TMPRSS15: variants seen among roughly 807,000 people sequenced by gnomAD.
TMPRSS15 encodes enteropeptidase.
In TMPRSS15, 128 loss-of-function variants were observed where a neutral mutation model predicts 125.3. The ratio of observed to expected loss-of-function variants is 1.02; its 90% CI spans 0.89 to 1.18. The LOEUF (loss-of-function observed/expected upper bound fraction) is 1.18. TMPRSS15 is among the 50% of genes most tolerant of loss of function. The probability of loss-of-function intolerance (pLI) is 0.00; values close to 1 mark genes in which losing one functional copy is unlikely to be tolerated. For missense variants in TMPRSS15, 1,283 were observed against 1,212.7 expected, an observed-to-expected ratio of 1.06 and a Z score of -0.86; for synonymous variants, 446 against 423.2, an observed-to-expected ratio of 1.05 and a Z score of -0.66.
intron 1 of TMPRSS15, among the ~76,000 whole-genome samples, chr21:18,440,076 A>C (rs1001739328): frequency 1.3e-5 from 2 of 152,186 alleles, no homozygotes; most frequent in Non-Finnish European, 2.9e-5. Context: ...ACTCACACAG[A>C]AGAAAACTGT....
At chr21:18,444,341 G>C (rs1046025918) in intron 1 of TMPRSS15, among the ~76,000 whole-genome samples, 6 of 152,162 alleles carry the variant, frequency 3.9e-5, no homozygotes, top group Admixed American at 6.5e-5. Context: ...CAGGGACATG[G>C]TTGAAGCTGG....
intron 10 of TMPRSS15, among the ~76,000 whole-genome samples, chr21:18,352,269 G>C (rs978385956): frequency 6.6e-6 from 1 of 151,864 alleles, no homozygotes; most frequent in African/African-American, 2.4e-5. Context: ...TTTCCACCTG[G>C]CATCAATTCT....
chr21:18,411,339 CT>C lies in TMPRSS15; in HGVS notation c.11-13011del, dbSNP rs1056583998. Among the ~76,000 whole-genome samples, 648 of 145,812 alleles carry C rather than the reference CT, an allele frequency of 4.4e-3. 4 individuals are homozygous for C. The highest frequency in any genetic ancestry group is 8.2e-3 in the African/African-American group (328 of 40,182). ...GGTATTCTTAGGCATTTTGTTAAAA[CT>C]TTTTTTTTTTTGAGCTTCAGTTTTC... On this transcript the variant is annotated intron_variant, in intron 1 of 7. Coordinates refer to the TMPRSS15 transcript ENST00000422787.
intron 1 of TMPRSS15, among the ~76,000 whole-genome samples, chr21:18,413,922 C>T (rs955616573): frequency 6.6e-6 from 1 of 152,044 alleles, no homozygotes; most frequent in Non-Finnish European, 1.5e-5. Context: ...GAGACAGGCT[C>T]ATAATGCACT....
intron 6 of TMPRSS15, 77 bp from the exon 7 acceptor site, chr21:18,365,325 A>G: frequency 1.8e-6 from 2 of 1,120,140 alleles, no homozygotes; most frequent in East Asian, 2.4e-5. Flanking sequence ...TTCACAGAAT[A>G]TTCATGGCAA....
chr21:18,313,519 C>T (rs2075124829), intron 17 of TMPRSS15, among the ~76,000 whole-genome samples: 2 of 150,622 alleles, frequency 1.3e-5, no homozygotes, highest in South Asian at 4.2e-4. Flanking sequence ...GAAAAATTAA[C>T]AAAAAAAGAG....
chr21:18,444,666 C>T (rs2076251007), intron 1 of TMPRSS15, among the ~76,000 whole-genome samples: 1 of 152,124 alleles, frequency 6.6e-6, no homozygotes, highest in South Asian at 2.1e-4. Context: ...TGAGCATTCC[C>T]ATCACCTCAA....
chr21:18,425,889 A>G (rs2076201682), intron 1 of TMPRSS15, among the ~76,000 whole-genome samples: 1 of 152,154 alleles, frequency 6.6e-6, no homozygotes, highest in Non-Finnish European at 1.5e-5. Flanking sequence ...GATACAAGAA[A>G]AATACATTAT....
intron 1 of TMPRSS15, among the ~76,000 whole-genome samples, chr21:18,402,069 T>C (rs2076099812): frequency 6.6e-6 from 1 of 152,188 alleles, no homozygotes; most frequent in Admixed American, 6.5e-5. Context: ...TTTCTTTCCC[T>C]TTAAAATATA....
intron 13 of TMPRSS15, among the ~76,000 whole-genome samples, chr21:18,333,611 T>C (rs187814069): frequency 3.4e-4 from 51 of 152,204 alleles, no homozygotes; most frequent in Non-Finnish European, 2.9e-5. Flanking sequence ...ACATGGATAG[T>C]AAGGAAAGGG....
chr21:18,390,640 CA>C (rs1267488292), intron 3 of TMPRSS15, among the ~76,000 whole-genome samples: 1 of 152,034 alleles, frequency 6.6e-6, no homozygotes, highest in East Asian at 1.9e-4. Context: ...GCTAAATGCA[CA>C]GGGGGAAGAA....
chr21:18,378,383 C>T (rs1601413075), intron 5 of TMPRSS15, among the ~76,000 whole-genome samples: 1 of 152,056 alleles, frequency 6.6e-6, no homozygotes, highest in African/African-American at 2.4e-5. Context: ...TGCAGAAAGG[C>T]TTATTCTATC....
intron 10 of TMPRSS15, among the ~76,000 whole-genome samples, chr21:18,345,115 T>C (rs1208441032): frequency 1.3e-5 from 2 of 152,218 alleles, no homozygotes; most frequent in Middle Eastern, 3.2e-3. Flanking sequence ...TCAGAATAAA[T>C]GAGTGTTTTA....
At chr21:18,318,998 G>A (rs143459969) in intron 16 of TMPRSS15, among the ~76,000 whole-genome samples, 1,571 of 152,034 alleles carry the variant, frequency 0.01, 29 homozygotes, top group African/African-American at 0.035. Context: ...TAGAGTCAAC[G>A]TAATATAAAG....
chr21:18,451,490 A>G (rs1334250598), intron 1 of TMPRSS15, among the ~76,000 whole-genome samples: 1 of 152,100 alleles, frequency 6.6e-6, no homozygotes, highest in African/African-American at 2.4e-5. Flanking sequence ...ATAAAAGCCA[A>G]TTTACTTCTC....
Position 18,372,310 on chromosome 21 carries a change from C to G in TMPRSS15, c.547G>C (p.Glu183Gln), listed in dbSNP as rs752213626. The change falls in exon 6 of 25, where the codon GAG (glutamate) becomes CAG (glutamine). Residue 183 changes from glutamate to glutamine, a missense_variant. Coordinates refer to ENST00000284885, the MANE Select transcript of TMPRSS15 (RefSeq NM_002772.3). Reference sequence around the variant, plus strand: ...CAAGGACTTGAACCAGGCAGGCACTCTATTGAGACATTTCCTTTAAAAAAT... The same window carrying G: ...CAAGGACTTGAACCAGGCAGGCACTGTATTGAGACATTTCCTTTAAAAAAT... The part of the protein sequence containing the change: ...HLATPGNVSI[E>Q]CLPGSSPCTD... The G allele has an allele frequency of 1.7e-5, 27 of 1,612,852 alleles. No individual in the cohort carries two copies. The highest frequency in any genetic ancestry group is 3.3e-4 in the Middle Eastern group (2 of 6,080).
At chr21:18,403,804 A>G, upstream of TMPRSS15, 2 of 651,860 alleles carry the variant, frequency 3.1e-6, no homozygotes, top group Admixed American at 2.7e-5. Flanking sequence ...GTCTCTATAC[A>G]TTAAGTATCA....
At chr21:18,423,316 G>C (rs2076196034) in intron 1 of TMPRSS15, among the ~76,000 whole-genome samples, 2 of 151,944 alleles carry the variant, frequency 1.3e-5, no homozygotes, top group Non-Finnish European at 2.9e-5. Flanking sequence ...CCTTGTTAGT[G>C]ACCTTTCTCT....
intron 3 of TMPRSS15, among the ~76,000 whole-genome samples, chr21:18,394,846 G>A (rs2076020285): frequency 1.3e-5 from 2 of 151,898 alleles, no homozygotes; most frequent in African/African-American, 2.4e-5. Context: ...TTCTCCACTC[G>A]TTTAACTCAT....
Sources: gnomAD v4.1 joint callset for allele counts (sites outside exome capture counted in the v4.1 genomes callset) on GRCh38, gnomAD v4.1.1 for gene constraint, MANE v1.5 for transcripts, NCBI Gene and HGNC (gene_info 2026-07-23, HGNC 2026-07-21) for gene names.